The following PTPRT variants were observed in gnomAD, a reference collection of about 807,000 sequenced individuals.
PTPRT encodes protein tyrosine phosphatase receptor type T.
A neutral mutation model predicts 176.8 loss-of-function variants in PTPRT; 56 were observed. The ratio of observed to expected loss-of-function variants is 0.32; its 90% CI spans 0.26 to 0.40. PTPRT has a LOEUF of 0.40. Among genes scored for constraint, PTPRT ranks in the 10% least tolerant of loss-of-function variants. The probability of loss-of-function intolerance (pLI) is 1.00; values close to 1 mark genes in which losing one functional copy is unlikely to be tolerated. For missense variants in PTPRT, 1,540 were observed against 1,908.2 expected, an observed-to-expected ratio of 0.81 and a Z score of 3.60; for synonymous variants, 783 against 739.0, an observed-to-expected ratio of 1.06 and a Z score of -0.96.
chr20:42,046,358 A>C, the PTPRT span, among the ~76,000 whole-genome samples: 1 of 152,256 alleles, frequency 6.6e-6, no homozygotes, highest in East Asian at 1.9e-4. Context: ...AGAGGCTCAG[A>C]TGGAAAAATC....
intron 5 of PTPRT, among the ~76,000 whole-genome samples, chr20:42,769,356 G>C (rs2077030037): frequency 6.6e-6 from 1 of 152,106 alleles, no homozygotes; most frequent in Admixed American, 6.6e-5. Flanking sequence ...GCTAGGCAAA[G>C]GAACACATGA....
Position 42,150,445 on chromosome 20 carries a change from G to A in PTPRT, c.2683-8443C>T, listed in dbSNP as rs373119202. Among the ~76,000 whole-genome samples the A allele has an allele frequency of 1.9e-4, 29 of 152,240 alleles. No homozygotes were observed. The East Asian group carries it at 2.5e-3, about 13-fold the overall frequency. ...TCCAGGGCACAGCTGAGGGCTTGCCGCCTCCATGTTCAGTCCAGCCTGCCA... is the reference window on the plus strand; with the variant it reads ...TCCAGGGCACAGCTGAGGGCTTGCCACCTCCATGTTCAGTCCAGCCTGCCA... On this transcript the variant is annotated intron_variant, in intron 17 of 30. Coordinates refer to ENST00000373187, the MANE Select transcript of PTPRT (RefSeq NM_007050.6).
At chr20:42,769,735 T>G (rs145850837) in intron 5 of PTPRT, among the ~76,000 whole-genome samples, 1 of 152,150 alleles carries the variant, frequency 6.6e-6, no homozygotes, top group Non-Finnish European at 1.5e-5. Flanking sequence ...CAGGTATCCA[T>G]CAACAGGTAG....
intron 6 of PTPRT, among the ~76,000 whole-genome samples, chr20:42,725,236 A>G (rs1390910351): frequency 2.0e-5 from 3 of 151,768 alleles, no homozygotes; most frequent in East Asian, 1.9e-4. Context: ...CATGTTGGCC[A>G]GGCTGGTCTT....
intron 12 of PTPRT, among the ~76,000 whole-genome samples, chr20:42,289,014 TA>T (rs1289988111): frequency 2.6e-5 from 4 of 151,296 alleles, no homozygotes; most frequent in African/African-American, 9.7e-5. Context: ...ATGAAAAAAA[TA>T]AACAATGGAG....
chr20:42,283,167 T>C (rs1004758659), intron 12 of PTPRT, among the ~76,000 whole-genome samples: 4 of 152,268 alleles, frequency 2.6e-5, no homozygotes, highest in Admixed American at 2.6e-4. Context: ...TTCATAAATG[T>C]GTGATGTTGC....
chr20:42,238,565 G>C lies in PTPRT; in HGVS notation c.2313-2307C>G, dbSNP rs567841680. Among the ~76,000 whole-genome samples the C allele has an allele frequency of 2.1e-4, 32 of 152,284 alleles. No homozygotes were observed. The South Asian group carries it at 6.4e-3, about 31-fold the overall frequency. On this transcript the variant is annotated intron_variant, in intron 14 of 30. Coordinates refer to ENST00000373187, the MANE Select transcript of PTPRT (RefSeq NM_007050.6). ...AGTGCCTGGAAGGTGATTCCCCTGG[G>C]ACACAAAACTCAGGGTCCATTTGAT...
Position 42,080,532 on chromosome 20 carries a change from C to T in PTPRT, c.*347G>A. ...AGGGGAGCCTCCCACTCCCCAGCACCTGCACAGTTGGCTTGCCAAGAGATC... is the reference window on the plus strand; with the variant it reads ...AGGGGAGCCTCCCACTCCCCAGCACTTGCACAGTTGGCTTGCCAAGAGATC... On this transcript the variant is annotated 3_prime_UTR_variant, in exon 31 of 31. Transcript: ENST00000373187. 3.3e-6 allele frequency: 1 copy of T among 300,438 alleles called. No homozygotes were observed. The allele number at this position is 300,438 out of a possible 1,614,324, so 18.6% of individuals were successfully genotyped here.
intron 12 of PTPRT, 78 bp from the exon 13 acceptor site, chr20:42,282,603 A>G (rs2057159131): frequency 9.4e-7 from 1 of 1,062,814 alleles, no homozygotes; most frequent in East Asian, 2.6e-5. Context: ...AAAAATACAT[A>G]TATATTTGCA....
chr20:42,506,819 T>C (rs1345992382), intron 7 of PTPRT, among the ~76,000 whole-genome samples: 2 of 152,194 alleles, frequency 1.3e-5, no homozygotes, highest in African/African-American at 2.4e-5. Context: ...TCTTGTACTT[T>C]TCCCTGCTGG....
At chr20:43,181,895 G>A (rs1260949117) in intron 1 of PTPRT, among the ~76,000 whole-genome samples, 2 of 152,132 alleles carry the variant, frequency 1.3e-5, no homozygotes, top group African/African-American at 4.8e-5. Flanking sequence ...GAGGTCTGGA[G>A]GTGGTAAATA....
intron 11 of PTPRT, among the ~76,000 whole-genome samples, chr20:42,330,729 G>T (rs1261265689): frequency 6.6e-6 from 1 of 151,962 alleles, no homozygotes; most frequent in Non-Finnish European, 1.5e-5. Flanking sequence ...TAATAAACTT[G>T]TTTTTTGTTA....
intron 2 of PTPRT, among the ~76,000 whole-genome samples, chr20:42,862,086 A>G (rs1433426730): frequency 6.6e-6 from 1 of 152,230 alleles, no homozygotes; most frequent in Non-Finnish European, 1.5e-5. Context: ...TATAAACAAT[A>G]TAAAAATTAA....
intron 1 of PTPRT, among the ~76,000 whole-genome samples, chr20:42,990,436 C>T (rs1024603259): frequency 9.2e-5 from 14 of 151,636 alleles, no homozygotes; most frequent in South Asian, 2.1e-4. Context: ...TGTTTTGTTT[C>T]GAAGGGAGAA....
intron 9 of PTPRT, among the ~76,000 whole-genome samples, chr20:42,385,345 T>C (rs2058734860): frequency 6.6e-6 from 1 of 152,144 alleles, no homozygotes; most frequent in South Asian, 2.1e-4. Flanking sequence ...CTAAGTGAAA[T>C]AAGCAAGTCA....
At chr20:42,767,378 G>C (rs2076997652) in intron 5 of PTPRT, among the ~76,000 whole-genome samples, 1 of 152,004 alleles carries the variant, frequency 6.6e-6, no homozygotes, top group Admixed American at 6.6e-5. Flanking sequence ...TTGCCCCTTT[G>C]CCTCCTCCCT....
At chr20:42,405,345 T>A (rs2058950819) in intron 9 of PTPRT, among the ~76,000 whole-genome samples, 1 of 151,976 alleles carries the variant, frequency 6.6e-6, no homozygotes, top group Non-Finnish European at 1.5e-5. Context: ...CTCCCCAATT[T>A]CCCCACCCCA....
chr20:42,182,907 GGTGTGTGTGTGTGT>G (rs10608197), intron 16 of PTPRT, among the ~76,000 whole-genome samples: 68 of 144,702 alleles, frequency 4.7e-4, no homozygotes, highest in African/African-American at 1.2e-3. Context: ...TACAAGCAGG[GGTGTGTGTGTGTGT>G]GTGTGTGTGT....
At chr20:42,147,824 G>A (rs929499849) in intron 17 of PTPRT, among the ~76,000 whole-genome samples, 9 of 152,198 alleles carry the variant, frequency 5.9e-5, no homozygotes, top group Non-Finnish European at 1.5e-5. Flanking sequence ...GATAAAAGCA[G>A]AGGAGGGATG....
Sources: gnomAD v4.1 joint callset for allele counts (sites outside exome capture counted in the v4.1 genomes callset) on GRCh38, gnomAD v4.1.1 for gene constraint, MANE v1.5 for transcripts, NCBI Gene and HGNC (gene_info 2026-07-23, HGNC 2026-07-21) for gene names.